Variants in UBE3C observed in about 807,000 individuals in gnomAD.
The protein encoded by UBE3C is ubiquitin-protein ligase E3C.
Under a neutral mutation model 129.4 loss-of-function variants are expected in UBE3C, and 42 were observed. That is an observed-to-expected ratio of 0.32 (90% CI 0.25 to 0.42). The LOEUF (loss-of-function observed/expected upper bound fraction) is 0.42. Ranked by LOEUF, UBE3C falls within the 10% of genes least tolerant of loss-of-function variation. The probability of loss-of-function intolerance (pLI) is 1.00; values close to 1 mark genes in which losing one functional copy is unlikely to be tolerated. For synonymous variants in UBE3C, 510 were observed against 492.4 expected (o/e 1.04, Z -0.47); for missense variants, 1,049 against 1,319.1 (o/e 0.80, Z 3.17).
At chr7:157,213,760 T>C (rs1331733578) in intron 13 of UBE3C, among the ~76,000 whole-genome samples, 1 of 152,252 alleles carries the variant, frequency 6.6e-6, no homozygotes, top group Non-Finnish European at 1.5e-5. Flanking sequence ...GTATTTGATA[T>C]TCTAAATAAG....
At chr7:157,244,970 G>A (rs1171720704) in intron 18 of UBE3C, among the ~76,000 whole-genome samples, 1 of 152,146 alleles carries the variant, frequency 6.6e-6, no homozygotes, top group African/African-American at 2.4e-5. Context: ...TAAAAAATAG[G>A]CAGTTTTTGA....
chr7:157,184,891 A>G (rs1341821720), intron 9 of UBE3C, among the ~76,000 whole-genome samples: 1 of 152,216 alleles, frequency 6.6e-6, no homozygotes, highest in Non-Finnish European at 1.5e-5. Context: ...AACAGAAGAT[A>G]TTCACTGCCA....
chr7:157,220,653 C>T, intron 14 of UBE3C, 36 bp from the exon 15 acceptor site: 1 of 1,612,314 alleles, frequency 6.2e-7, no homozygotes. Context: ...TGTGCTAGAG[C>T]ACAGGGGAGT....
intron 10 of UBE3C, among the ~76,000 whole-genome samples, chr7:157,188,221 A>G (rs1315147946): frequency 6.6e-6 from 1 of 152,236 alleles, no homozygotes; most frequent in Non-Finnish European, 1.5e-5. Context: ...ACGTTACCCT[A>G]CAGAATTCTC....
rs1191647978 is a variant in UBE3C at position 157,269,121 on chromosome 7, G to A, written c.*1366G>A. 1 of 152,590 alleles carries A rather than the reference G, an allele frequency of 6.6e-6. No individual in the cohort carries two copies. The highest frequency in any genetic ancestry group is 1.5e-5 in the Non-Finnish European group (1 of 68,020). The allele number at this position is 152,590 out of a possible 1,614,324, so 9.5% of individuals were successfully genotyped here. On this transcript the variant is annotated 3_prime_UTR_variant, in exon 23 of 23. Coordinates refer to ENST00000348165, the MANE Select transcript of UBE3C (RefSeq NM_014671.3). ...TAAATTAAGCGTTTAAATGCTATTT[G>A]TAGTCTTGATATACAGAAATAAAAT...
At chr7:157,199,864 G>C (rs1181678303) in intron 10 of UBE3C, among the ~76,000 whole-genome samples, 1 of 151,974 alleles carries the variant, frequency 6.6e-6, no homozygotes, top group Admixed American at 6.6e-5. Flanking sequence ...CCTTTAACTT[G>C]TATTATTACC....
Position 157,253,028 on chromosome 7 carries a change from G to A in UBE3C, c.2695-926G>A, listed in dbSNP as rs374235935. 1.1e-4 allele frequency among the ~76,000 whole-genome samples: 17 copies of A among 151,984 alleles called. No homozygotes were observed. In the East Asian group the frequency reaches 1.5e-3, roughly 14 times the overall value. On this transcript the variant is annotated intron_variant, in intron 19 of 22. Coordinates refer to ENST00000348165, the MANE Select transcript of UBE3C (RefSeq NM_014671.3). The stretch of plus-strand genomic sequence containing the variant: ...ATTAGAGGCGTGAGCCACTATACCC[G>A]GCCTGTTTTTTTGGTTTTCTTAATA...
At chr7:157,144,115 A>T (rs777147947) in intron 1 of UBE3C, among the ~76,000 whole-genome samples, 1 of 152,178 alleles carries the variant, frequency 6.6e-6, no homozygotes, top group African/African-American at 2.4e-5. Context: ...AGCACATTGG[A>T]GAGTGAATGG....
At chr7:157,219,462 T>G (rs1795676471) in intron 14 of UBE3C, among the ~76,000 whole-genome samples, 1 of 152,126 alleles carries the variant, frequency 6.6e-6, no homozygotes, top group Non-Finnish European at 1.5e-5. Flanking sequence ...GAAAGTTAAA[T>G]CTAAATGTGG....
chr7:157,229,924 A>T (rs1288027898), intron 17 of UBE3C, among the ~76,000 whole-genome samples: 1 of 88,468 alleles, frequency 1.1e-5, no homozygotes, highest in Non-Finnish European at 3.1e-5. Flanking sequence ...TAATTTATTT[A>T]TTTTTTTTTT....
At chr7:157,231,574 T>A in intron 18 of UBE3C, 1 of 495,826 alleles carries the variant, frequency 2.0e-6, no homozygotes, top group Non-Finnish European at 3.6e-6. Flanking sequence ...GTGGAATCTT[T>A]AAGAGGTGAT....
intron 11 of UBE3C, among the ~76,000 whole-genome samples, chr7:157,206,139 AAG>A (rs1809426934): frequency 6.6e-6 from 1 of 152,232 alleles, no homozygotes; most frequent in Non-Finnish European, 1.5e-5. Flanking sequence ...ACTTTATAGA[AAG>A]AGCTTGCAGG....
At chr7:157,157,609 A>G (rs370035047) in intron 1 of UBE3C, among the ~76,000 whole-genome samples, 2 of 152,326 alleles carry the variant, frequency 1.3e-5, no homozygotes, top group South Asian at 4.1e-4. Flanking sequence ...TTACTGACAC[A>G]TTTGCAAGGA....
chr7:157,232,413 C>G (rs756107668), intron 18 of UBE3C, among the ~76,000 whole-genome samples: 2 of 152,160 alleles, frequency 1.3e-5, no homozygotes, highest in African/African-American at 4.8e-5. Flanking sequence ...GGCTGGAGTG[C>G]TGTGGCGCCA....
intron 5 of UBE3C, 102 bp downstream of exon 5, chr7:157,175,136 A>G (rs1586663540): frequency 2.7e-6 from 1 of 369,058 alleles, no homozygotes; most frequent in Non-Finnish European, 3.7e-6. Context: ...GCTTTTCCAT[A>G]CTTTTTTTTT....
chr7:157,148,982 C>T (rs529948134), intron 1 of UBE3C, among the ~76,000 whole-genome samples: 19 of 152,158 alleles, frequency 1.2e-4, no homozygotes, highest in African/African-American at 3.9e-4. Flanking sequence ...TTTGTTCCTT[C>T]GAATACAGTT....
rs113572049 is a variant in UBE3C, at chr7:157,175,799, CTT to C, written c.458+766_458+767del. On this transcript the variant is annotated intron_variant, in intron 5 of 22. Transcript: ENST00000348165. ...TGCCAGTAATTCATATTTTTTCTAA[CTT>C]ATTTCTTTAATAAACTTTTAGTTTG... is the stretch of plus-strand genomic sequence containing the variant. Among the ~76,000 whole-genome samples, 760 of 152,220 alleles carry C rather than the reference CTT, an allele frequency of 5.0e-3. 4 individuals carry two copies. Among genetic ancestry groups the C allele is most frequent in the African/African-American group, 8.5e-3 (355 of 41,534 alleles).
At position 157,183,809 on chromosome 7, in the gene UBE3C, G is replaced by A. The variant is rs893633335; in HGVS notation, c.992-69G>A. ...GCCTCTCTGCGTGTGAGGAAAAATG[G>A]CGTCTTCGTTTTCCATTTTAAAAAA... On this transcript the variant is annotated intron_variant, in intron 8 of 22. Transcript: ENST00000348165. 4.5e-6 allele frequency: 7 copies of A among 1,539,304 alleles called. No homozygotes were observed. The African/African-American group carries it at 5.5e-5, about 12-fold the overall frequency.
intron 17 of UBE3C, among the ~76,000 whole-genome samples, chr7:157,230,711 A>C (rs2527876): frequency 2.7e-4 from 38 of 143,362 alleles, no homozygotes; most frequent in African/African-American, 9.1e-4. Context: ...AAAAAAAAAA[A>C]AAACCTCCTA....
Sources: allele counts gnomAD v4.1 joint callset (sites outside exome capture counted in the v4.1 genomes callset), GRCh38; gene constraint gnomAD v4.1.1; transcripts MANE v1.5; gene names NCBI Gene and HGNC (gene_info 2026-07-23, HGNC 2026-07-21).